Variants in RAD51B observed in about 807,000 individuals in gnomAD.
The protein encoded by RAD51B is RAD51 paralog B.
In RAD51B, 38 loss-of-function variants were observed where a neutral mutation model predicts 42.2. That is an observed-to-expected ratio of 0.90 (90% CI 0.70 to 1.18). RAD51B has a LOEUF of 1.18. RAD51B is among the 50% of genes most tolerant of loss of function. The pLI, the probability that RAD51B is intolerant of heterozygous loss-of-function variation, is 0.00. For missense variants in RAD51B, 373 were observed against 400.7 expected, an observed-to-expected ratio of 0.93 and a Z score of 0.59; for synonymous variants, 154 against 145.2, an observed-to-expected ratio of 1.06 and a Z score of -0.43.
In RAD51B at chr14:68,586,496, A is replaced by G. The variant is rs553895038; in HGVS notation, c.1037-7989A>G. ...AGGTGTCCAATGAGTTCTAAGGGTG[A>G]TGTCAGGGGAGGTGGGGGCAGACCA... On this transcript the variant is annotated intron_variant, in intron 10 of 10. Transcript: ENST00000487270. Among the ~76,000 whole-genome samples the G allele has an allele frequency of 1.7e-3, 255 of 152,296 alleles. 2 individuals are homozygous for G. Among genetic ancestry groups the G allele is most frequent in the Non-Finnish European group, 3.0e-3 (204 of 68,012 alleles).
chr14:68,506,909 G>GA (rs1368278646), intron 10 of RAD51B, among the ~76,000 whole-genome samples: 3 of 152,130 alleles, frequency 2.0e-5, no homozygotes, highest in Admixed American at 6.5e-5. Context: ...TTCTCAGTTA[G>GA]AAAAAAATCT....
intron 8 of RAD51B, among the ~76,000 whole-genome samples, chr14:68,386,151 G>A (rs1450255765): frequency 6.6e-6 from 1 of 152,056 alleles, no homozygotes; most frequent in Non-Finnish European, 1.5e-5. Context: ...TTACAAATGG[G>A]CACTTTGAGA....
At chr14:68,027,596 G>A (rs1394134028) in intron 7 of RAD51B, among the ~76,000 whole-genome samples, 1 of 151,980 alleles carries the variant, frequency 6.6e-6, no homozygotes. Context: ...TCGAGTTCTG[G>A]GATTCTTTCC....
chr14:68,127,604 A>AACACACACACACACAC lies in RAD51B; in HGVS notation c.757-164244_757-164229dup, dbSNP rs1158570155. On this transcript the variant is annotated intron_variant, in intron 7 of 10. Coordinates refer to ENST00000471583, the MANE Select transcript of RAD51B (RefSeq NM_133510.4). ...TTCATAAATAACAATTGTACATTGT[A>AACACACACACACACAC]ACACACACACACACACACACACACA... Among the ~76,000 whole-genome samples the AACACACACACACACAC allele has an allele frequency of 6.7e-5, 9 of 133,632 alleles. 1 individual carries two copies. In the South Asian group the frequency reaches 1.3e-3, roughly 20 times the overall value. The allele number at this position is 133,632 out of a possible 152,430, so 87.7% of individuals were successfully genotyped here.
At chr14:67,973,630 A>G (rs369533038) in intron 7 of RAD51B, among the ~76,000 whole-genome samples, 30 of 152,158 alleles carry the variant, frequency 2.0e-4, no homozygotes, top group African/African-American at 6.8e-4. Flanking sequence ...ACTCAATTAC[A>G]TCTAATTTGT....
chr14:68,200,519 G>A (rs1043241431), intron 7 of RAD51B, among the ~76,000 whole-genome samples: 2 of 152,198 alleles, frequency 1.3e-5, no homozygotes, highest in Non-Finnish European at 2.9e-5. Context: ...TTGCAAATGT[G>A]TTCTCTTCTA....
intron 10 of RAD51B, among the ~76,000 whole-genome samples, chr14:68,494,981 A>G (rs1884392236): frequency 6.6e-6 from 1 of 152,168 alleles, no homozygotes; most frequent in African/African-American, 2.4e-5. Flanking sequence ...AGTACTGCTC[A>G]TCTGCCCTAC....
chr14:68,455,299 G>A (rs1276845406), intron 9 of RAD51B, among the ~76,000 whole-genome samples: 1 of 152,142 alleles, frequency 6.6e-6, no homozygotes, highest in African/African-American at 2.4e-5. Flanking sequence ...AACTGAAGGA[G>A]AAATTAAGAC....
intron 10 of RAD51B, among the ~76,000 whole-genome samples, chr14:68,622,253 G>A (rs1245724554): frequency 6.6e-6 from 1 of 152,156 alleles, no homozygotes; most frequent in African/African-American, 2.4e-5. Flanking sequence ...CTAAGTACAG[G>A]GGCATCATGG....
At chr14:68,393,257 A>C (rs889325352) in intron 8 of RAD51B, among the ~76,000 whole-genome samples, 11 of 152,122 alleles carry the variant, frequency 7.2e-5, no homozygotes, top group African/African-American at 2.7e-4. Context: ...CCCTGCTTTG[A>C]ATTTAGGAGG....
chr14:68,260,519 T>C (rs2080866918), intron 7 of RAD51B, among the ~76,000 whole-genome samples: 1 of 152,104 alleles, frequency 6.6e-6, no homozygotes, highest in Non-Finnish European at 1.5e-5. Flanking sequence ...TTAGGTTTGA[T>C]GAAGCATGGA....
chr14:67,952,772 T>C (rs547070449), intron 7 of RAD51B, among the ~76,000 whole-genome samples: 74 of 152,190 alleles, frequency 4.9e-4, no homozygotes, highest in Non-Finnish European at 9.9e-4. Context: ...AATATTAGTA[T>C]CTAATATTGT....
downstream of RAD51B, among the ~76,000 whole-genome samples, chr14:68,614,553 A>C (rs956103128): frequency 7.2e-5 from 11 of 152,072 alleles, no homozygotes; most frequent in Admixed American, 2.0e-4. Context: ...CCACTATTCT[A>C]CTATCCATCT....
chr14:67,825,341 A>G (rs2040789598), intron 2 of RAD51B, 123 bp from the exon 3 acceptor site: 1 of 591,460 alleles, frequency 1.7e-6, no homozygotes, highest in Non-Finnish European at 2.8e-6. Context: ...GAATGTATAA[A>G]TCTTTGATCT....
intron 8 of RAD51B, among the ~76,000 whole-genome samples, chr14:68,295,020 A>G (rs17105352): frequency 1.8e-3 from 277 of 152,340 alleles, no homozygotes; most frequent in African/African-American, 6.3e-3. Flanking sequence ...CATTCTCCCA[A>G]TAGTTTGTGA....
At chr14:68,077,991 T>C (rs1358597949) in intron 7 of RAD51B, among the ~76,000 whole-genome samples, 1 of 152,162 alleles carries the variant, frequency 6.6e-6, no homozygotes, top group Non-Finnish European at 1.5e-5. Flanking sequence ...CTTGTTCTTA[T>C]ATGTACATAA....
intron 5 of RAD51B, among the ~76,000 whole-genome samples, chr14:67,883,126 G>GGGGTC (rs2042963525): frequency 6.6e-6 from 1 of 152,076 alleles, no homozygotes; most frequent in Admixed American, 6.5e-5. Context: ...TTCCCTGGGT[G>GGGGTC]AGGTCACTAC....
At chr14:68,161,016 T>G (rs1485935041) in intron 7 of RAD51B, among the ~76,000 whole-genome samples, 1 of 152,206 alleles carries the variant, frequency 6.6e-6, no homozygotes, top group Non-Finnish European at 1.5e-5. Context: ...CAGTATTGTG[T>G]TTTAGGCTCT....
intron 10 of RAD51B, among the ~76,000 whole-genome samples, chr14:68,539,061 T>C (rs993559120): frequency 4.6e-5 from 7 of 152,242 alleles, no homozygotes; most frequent in African/African-American, 1.7e-4. Flanking sequence ...CCCTACATTT[T>C]AGTATGGATA....
Sources: gnomAD v4.1 joint callset for allele counts (sites outside exome capture counted in the v4.1 genomes callset) on GRCh38, gnomAD v4.1.1 for gene constraint, MANE v1.5 for transcripts, NCBI Gene and HGNC (gene_info 2026-07-23, HGNC 2026-07-21) for gene names.